NDUFS4: variants seen among roughly 807,000 people sequenced by gnomAD.
NDUFS4 encodes NADH dehydrogenase [ubiquinone] iron-sulfur protein 4, mitochondrial.
A neutral mutation model predicts 24.3 loss-of-function variants in NDUFS4; 28 were observed. That is an observed-to-expected ratio of 1.15 (90% CI 0.85 to 1.58). The LOEUF is 1.58. Ranked by LOEUF, NDUFS4 falls within the 40% of genes most tolerant of loss-of-function variation. The pLI, the probability that NDUFS4 is intolerant of heterozygous loss-of-function variation, is 0.00. For synonymous variants in NDUFS4, 93 were observed against 69.7 expected, an observed-to-expected ratio of 1.34 and a Z score of -1.67; for missense variants, 223 against 207.9, an observed-to-expected ratio of 1.07 and a Z score of -0.45.
At chr5:53,568,218 T>C (rs750323929) in intron 1 of NDUFS4, among the ~76,000 whole-genome samples, 2 of 152,132 alleles carry the variant, frequency 1.3e-5, no homozygotes. Flanking sequence ...TTTTATGGGC[T>C]CATTCTCCAG....
intron 2 of NDUFS4, among the ~76,000 whole-genome samples, chr5:53,644,063 A>G (rs948673832): frequency 1.3e-5 from 2 of 152,182 alleles, no homozygotes; most frequent in Non-Finnish European, 2.9e-5. Context: ...TAGCTCAAAT[A>G]CTGTTTTATA....
At chr5:53,574,488 A>G (rs367858589) in intron 1 of NDUFS4, among the ~76,000 whole-genome samples, 82 of 152,234 alleles carry the variant, frequency 5.4e-4, no homozygotes, top group African/African-American at 1.9e-3. Context: ...AGATTTTTAC[A>G]TCTGTGTTTA....
chr5:53,589,129 C>T (rs374880201), intron 1 of NDUFS4, among the ~76,000 whole-genome samples: 8 of 152,258 alleles, frequency 5.3e-5, no homozygotes, highest in East Asian at 1.9e-4. Context: ...AAGACCAAAA[C>T]GTAGGTTTTT....
chr5:53,614,776 G>A (rs577522434), intron 2 of NDUFS4, among the ~76,000 whole-genome samples: 1 of 151,784 alleles, frequency 6.6e-6, no homozygotes, highest in Non-Finnish European at 1.5e-5. Flanking sequence ...ATTGTGTATC[G>A]TACTTGACAC....
chr5:53,680,700 T>TG (rs1189262976), intron 4 of NDUFS4, among the ~76,000 whole-genome samples: 1 of 139,568 alleles, frequency 7.2e-6, no homozygotes, highest in African/African-American at 2.7e-5. Context: ...TGTTGTGGGG[T>TG]GGGGGGAGCG....
chr5:53,663,801 A>G (rs781366569), intron 4 of NDUFS4, among the ~76,000 whole-genome samples: 37 of 152,126 alleles, frequency 2.4e-4, no homozygotes, highest in South Asian at 8.3e-4. Flanking sequence ...GCCAGTCTGT[A>G]TCTTTTAATT....
chr5:53,654,813 A>C (rs1376590212), intron 3 of NDUFS4, among the ~76,000 whole-genome samples: 1 of 152,210 alleles, frequency 6.6e-6, no homozygotes, highest in East Asian at 1.9e-4. Context: ...ATCAAGAGTC[A>C]GTTATAATGC....
At chr5:53,604,094 C>A (rs1293207860) in intron 2 of NDUFS4, among the ~76,000 whole-genome samples, 1 of 152,096 alleles carries the variant, frequency 6.6e-6, no homozygotes, top group Non-Finnish European at 1.5e-5. Context: ...TTTTGGCAGC[C>A]ATCACTTATA....
intron 1 of NDUFS4, among the ~76,000 whole-genome samples, chr5:53,569,128 TTGTA>T (rs1043029324): frequency 1.3e-5 from 2 of 152,112 alleles, no homozygotes; most frequent in African/African-American, 4.8e-5. Context: ...CTACCACTCT[TTGTA>T]TGGAAAGAGT....
At chr5:53,672,654 A>C (rs1012898729) in intron 4 of NDUFS4, among the ~76,000 whole-genome samples, 4 of 152,136 alleles carry the variant, frequency 2.6e-5, no homozygotes, top group East Asian at 1.9e-4. Flanking sequence ...TAATCTCAGC[A>C]AGAGATTATT....
At chr5:53,570,731 T>A (rs1749185142) in intron 1 of NDUFS4, among the ~76,000 whole-genome samples, 1 of 147,912 alleles carries the variant, frequency 6.8e-6, no homozygotes, top group Non-Finnish European at 1.5e-5. Context: ...TCACCCAGGC[T>A]GGAGTGCAGT....
chr5:53,646,478 T>G, intron 3 of NDUFS4, 73 bp downstream of exon 3: 1 of 1,499,818 alleles, frequency 6.7e-7, no homozygotes, highest in South Asian at 1.1e-5. Flanking sequence ...AAATATGATT[T>G]TCAAACTCTT....
At chr5:53,624,172 A>G (rs1313155631) in intron 2 of NDUFS4, among the ~76,000 whole-genome samples, 3 of 152,132 alleles carry the variant, frequency 2.0e-5, no homozygotes, top group Non-Finnish European at 2.9e-5. Flanking sequence ...TTGGCTATAT[A>G]TGCAAGGGTT....
chr5:53,674,995 C>G (rs1355666005), intron 4 of NDUFS4, among the ~76,000 whole-genome samples: 1 of 151,858 alleles, frequency 6.6e-6, no homozygotes, highest in African/African-American at 2.4e-5. Context: ...GTTAGTTGCT[C>G]TTAGAGTACT....
At chr5:53,620,395 T>A (rs1750996226) in intron 2 of NDUFS4, among the ~76,000 whole-genome samples, 3 of 152,148 alleles carry the variant, frequency 2.0e-5, no homozygotes. Context: ...TAGAAGTACT[T>A]CAAGGCTTAG....
chr5:53,673,115 T>C (rs1202474257), intron 4 of NDUFS4, among the ~76,000 whole-genome samples: 1 of 152,144 alleles, frequency 6.6e-6, no homozygotes, highest in Non-Finnish European at 1.5e-5. Context: ...GCATTGATAA[T>C]TCCCCAGGAA....
intron 4 of NDUFS4, among the ~76,000 whole-genome samples, chr5:53,676,264 A>G (rs1740465507): frequency 6.6e-6 from 1 of 152,196 alleles, no homozygotes; most frequent in African/African-American, 2.4e-5. Flanking sequence ...TCTCTCAATT[A>G]TAGTTGTTCT....
At chr5:53,643,858 A>G (rs575422497) in intron 2 of NDUFS4, among the ~76,000 whole-genome samples, 1 of 152,274 alleles carries the variant, frequency 6.6e-6, no homozygotes, top group South Asian at 2.1e-4. Context: ...TGTCATGACA[A>G]CTTGGGTTCC....
chr5:53,635,022 A>G (rs1268794573), intron 2 of NDUFS4, among the ~76,000 whole-genome samples: 1 of 150,192 alleles, frequency 6.7e-6, no homozygotes, highest in Non-Finnish European at 1.5e-5. Flanking sequence ...AAACCCCATC[A>G]CTACTAAAAA....
Sources: gnomAD v4.1 joint callset for allele counts (sites outside exome capture counted in the v4.1 genomes callset) on GRCh38, gnomAD v4.1.1 for gene constraint, MANE v1.5 for transcripts, NCBI Gene and HGNC (gene_info 2026-07-23, HGNC 2026-07-21) for gene names.